The following SHOC1 variants were observed in gnomAD, a reference collection of about 807,000 sequenced individuals.
SHOC1 encodes the protein protein shortage in chiasmata 1 ortholog.
Under a neutral mutation model 179.2 loss-of-function variants are expected in SHOC1, and 136 were observed. The ratio of observed to expected loss-of-function variants is 0.76; its 90% CI spans 0.66 to 0.87. The LOEUF is 0.87. Ranked by LOEUF, SHOC1 falls within the 40% of genes least tolerant of loss-of-function variation. SHOC1 has a pLI of 0.00. For synonymous variants in SHOC1, 489 were observed against 586.6 expected, an observed-to-expected ratio of 0.83 and a Z score of 2.41; for missense variants, 1,538 against 1,700.8, an observed-to-expected ratio of 0.90 and a Z score of 1.68.
intron 27 of SHOC1, among the ~76,000 whole-genome samples, chr9:111,689,824 T>C (rs1831348683): frequency 6.6e-6 from 1 of 152,204 alleles, no homozygotes; most frequent in African/African-American, 2.4e-5. Flanking sequence ...ATTCTACTCA[T>C]ATACCTAAAA....
intron 5 of SHOC1, 53 bp downstream of exon 5, chr9:111,775,738 T>C (rs1835804996): frequency 1.4e-6 from 2 of 1,446,686 alleles, no homozygotes; most frequent in Admixed American, 4.8e-5. Context: ...CTGAAAAGAA[T>C]ATGTGTATAT....
chr9:111,759,860 G>A (rs1457111805), intron 5 of SHOC1, among the ~76,000 whole-genome samples: 14 of 152,142 alleles, frequency 9.2e-5, no homozygotes, highest in Non-Finnish European at 1.8e-4. Flanking sequence ...AACTTGATAT[G>A]CCTTAAGAGA....
chr9:111,723,164 T>G (rs1833146108), intron 14 of SHOC1, among the ~76,000 whole-genome samples: 1 of 152,240 alleles, frequency 6.6e-6, no homozygotes, highest in African/African-American at 2.4e-5. Context: ...CTGCATTTTT[T>G]TCTTTGCCAT....
At chr9:111,729,752 C>T (rs1302523736) in intron 12 of SHOC1, among the ~76,000 whole-genome samples, 1 of 152,010 alleles carries the variant, frequency 6.6e-6, no homozygotes, top group Non-Finnish European at 1.5e-5. Context: ...ATTAGCTGGG[C>T]ATGGTGGCGC....
In SHOC1 at chr9:111,779,848, A is replaced by G. The variant is rs147362226; in HGVS notation, c.257+1082T>C. ...AAAGTTTGAGAAGCACTGATCCATC[A>G]TCATCATACTGATAAAATGAGGGTC... On this transcript the variant is annotated intron_variant, in intron 4 of 27. Coordinates refer to ENST00000682961, the MANE Select transcript of SHOC1 (RefSeq NM_001378211.1). Among the ~76,000 whole-genome samples, 289 of 152,318 alleles carry G rather than the reference A, an allele frequency of 1.9e-3. 2 individuals are homozygous for G. The highest frequency in any genetic ancestry group is 0.01 in the Middle Eastern group (3 of 294).
chr9:111,711,531 T>A (rs1230564324), intron 18 of SHOC1, among the ~76,000 whole-genome samples: 1 of 152,148 alleles, frequency 6.6e-6, no homozygotes, highest in Non-Finnish European at 1.5e-5. Flanking sequence ...TAAATTCTGC[T>A]CCTTACTCTT....
chr9:111,770,489 T>A (rs1419111034), intron 5 of SHOC1, among the ~76,000 whole-genome samples: 1 of 152,190 alleles, frequency 6.6e-6, no homozygotes. Flanking sequence ...GAATATGTAT[T>A]CTGCAGCACA....
At chr9:111,713,725 T>C (rs940400673) in intron 17 of SHOC1, among the ~76,000 whole-genome samples, 2 of 152,210 alleles carry the variant, frequency 1.3e-5, no homozygotes, top group Non-Finnish European at 2.9e-5. Flanking sequence ...GTAAACTATT[T>C]GAAATGCTTT....
At chr9:111,705,396 T>C (rs1444951613) in intron 20 of SHOC1, 32 bp from the exon 21 acceptor site, 1 of 1,130,882 alleles carries the variant, frequency 8.8e-7, no homozygotes, top group East Asian at 2.7e-5. Flanking sequence ...AATATTTCTC[T>C]TTTATTCTCA....
At chr9:111,701,694 T>C (rs952024805) in intron 23 of SHOC1, among the ~76,000 whole-genome samples, 4 of 152,146 alleles carry the variant, frequency 2.6e-5, no homozygotes, top group Non-Finnish European at 4.4e-5. Flanking sequence ...AAAACCAGGC[T>C]AAATCACTTG....
rs752980536 is a variant in SHOC1 at position 111,780,930 on chromosome 9, T to C, written c.257A>G (p.Lys86Arg). The C allele has an allele frequency of 1.9e-6, 3 of 1,608,498 alleles. No individual in the cohort carries two copies. Among genetic ancestry groups the C allele is most frequent in the Non-Finnish European group, 2.6e-6 (3 of 1,175,510 alleles). Residue 86 changes from lysine (K) to arginine (R), a missense_variant and splice_region_variant, in exon 4 of 28, where the codon AAA becomes AGA. By Grantham distance (26) the Lys-to-Arg change is conservative. Coordinates refer to ENST00000682961, the MANE Select transcript of SHOC1 (RefSeq NM_001378211.1). ...ASFFVEDFLE[K>R]KTITRMVTQI... ...GAAATTTGAGATTAAGGATACATACTTCTCAAGGAAATCCTCCACAAAGAA... is the reference window on the plus strand; with the variant it reads ...GAAATTTGAGATTAAGGATACATACCTCTCAAGGAAATCCTCCACAAAGAA...
intron 24 of SHOC1, among the ~76,000 whole-genome samples, chr9:111,695,942 C>T (rs972198774): frequency 3.3e-5 from 5 of 152,056 alleles, no homozygotes; most frequent in African/African-American, 1.2e-4. Context: ...TCAGGGTAAA[C>T]ACTGCAGCAA....
At chr9:111,781,750 A>AAATAAATTAATTAATTAATT (rs765900257) in intron 3 of SHOC1, among the ~76,000 whole-genome samples, 3,155 of 150,960 alleles carry the variant, frequency 0.021, 53 homozygotes, top group Non-Finnish European at 0.026. Flanking sequence ...ATAAATAAAT[A>AAATAAATTAATTAATTAATT]AATTTGTATG....
intron 23 of SHOC1, among the ~76,000 whole-genome samples, chr9:111,701,772 A>G (rs1831981851): frequency 2.0e-5 from 3 of 152,180 alleles, no homozygotes; most frequent in African/African-American, 7.2e-5. Context: ...GTTCGAACTT[A>G]TACCAACCTG....
rs537281670 is a variant in SHOC1 at position 111,786,773 on chromosome 9, T to A, written c.46-738A>T. ...ACAGCAAATTAATTGATAAATGTTG[T>A]GTGTATTCTGACAAAACAGCCTTCT... On this transcript the variant is annotated intron_variant, in intron 2 of 27. Coordinates refer to ENST00000682961, the MANE Select transcript of SHOC1 (RefSeq NM_001378211.1). Among the ~76,000 whole-genome samples, 13 of 152,304 alleles carry A rather than the reference T, an allele frequency of 8.5e-5. 1 individual carries two copies. In the South Asian group the frequency reaches 2.7e-3, roughly 32 times the overall value.
chr9:111,732,906 A>G (rs1241153228), intron 12 of SHOC1, among the ~76,000 whole-genome samples: 1 of 152,228 alleles, frequency 6.6e-6, no homozygotes, highest in Admixed American at 6.5e-5. Flanking sequence ...CTGTACAGTT[A>G]AAATAGGTGC....
At chr9:111,722,370 C>A in intron 15 of SHOC1, 39 bp downstream of exon 15, 1 of 1,530,786 alleles carries the variant, frequency 6.5e-7, no homozygotes, top group South Asian at 1.3e-5. Flanking sequence ...AATTTCTAAG[C>A]ATATCTTTTT....
intron 19 of SHOC1, among the ~76,000 whole-genome samples, chr9:111,707,605 CAATATT>C (rs1328639507): frequency 1.3e-5 from 2 of 151,932 alleles, no homozygotes; most frequent in Admixed American, 1.3e-4. Context: ...ACTACAATAA[CAATATT>C]ATTATTATTA....
intron 12 of SHOC1, among the ~76,000 whole-genome samples, chr9:111,734,797 T>C (rs966046251): frequency 2.4e-5 from 3 of 126,474 alleles, no homozygotes; most frequent in Non-Finnish European, 4.9e-5. Context: ...ATTTGCTATT[T>C]GTAGTTTTTT....
Sources: allele counts gnomAD v4.1 joint callset (sites outside exome capture counted in the v4.1 genomes callset), GRCh38; gene constraint gnomAD v4.1.1; transcripts MANE v1.5; gene names NCBI Gene and HGNC (gene_info 2026-07-23, HGNC 2026-07-21).